The following ARHGAP20 variants were observed in gnomAD, a reference collection of about 807,000 sequenced individuals.
ARHGAP20 encodes the protein rho GTPase-activating protein 20.
Under a neutral mutation model 73.7 loss-of-function variants are expected in ARHGAP20, and 34 were observed. The ratio of observed to expected loss-of-function variants is 0.46; its 90% CI spans 0.35 to 0.61. The LOEUF (loss-of-function observed/expected upper bound fraction) is 0.61. Ranked by LOEUF, ARHGAP20 falls within the 20% of genes least tolerant of loss-of-function variation. ARHGAP20 has a pLI of 0.00. For missense variants in ARHGAP20, 1,314 were observed against 1,420.9 expected (o/e 0.92, Z 1.21); for synonymous variants, 523 against 518.2 (o/e 1.01, Z -0.13).
chr11:110,601,882 C>T (rs1025836508), intron 9 of ARHGAP20, among the ~76,000 whole-genome samples: 29 of 151,236 alleles, frequency 1.9e-4, no homozygotes, highest in African/African-American at 4.9e-4. Context: ...CCCAGCTATT[C>T]GGGAGGCTGA....
At chr11:110,654,598 T>C (rs1287105444) in intron 2 of ARHGAP20, among the ~76,000 whole-genome samples, 1 of 152,212 alleles carries the variant, frequency 6.6e-6, no homozygotes, top group Non-Finnish European at 1.5e-5. Context: ...TTTAAGTCAT[T>C]TTTCACATAG....
intron 2 of ARHGAP20, among the ~76,000 whole-genome samples, chr11:110,689,189 G>C (rs2135113928): frequency 6.6e-6 from 1 of 152,018 alleles, no homozygotes; most frequent in South Asian, 2.1e-4. Context: ...TTTAAGTAGA[G>C]ATGGGGTTTC....
chr11:110,590,070 G>A lies in ARHGAP20; in HGVS notation c.1305+578C>T, dbSNP rs1021411122. ...CAGGAGGTGGAGGTTGCAGTGAGCC[G>A]CAATCATGCCATTGCACTCCAGCCT... On this transcript the variant is annotated intron_variant, in intron 11 of 14. Coordinates refer to ENST00000683387, the MANE Select transcript of ARHGAP20 (RefSeq NM_001384657.1). Among the ~76,000 whole-genome samples the A allele has an allele frequency of 6.8e-5, 10 of 146,732 alleles. No homozygotes were observed. The South Asian group carries it at 1.1e-3, about 16-fold the overall frequency.
At chr11:110,653,196 T>C (rs1591142323) in intron 2 of ARHGAP20, among the ~76,000 whole-genome samples, 1 of 151,986 alleles carries the variant, frequency 6.6e-6, no homozygotes, top group African/African-American at 2.4e-5. Context: ...CAAAAGCAAT[T>C]GCAACAAAAG....
At chr11:110,635,285 T>A (rs938223102) in intron 2 of ARHGAP20, among the ~76,000 whole-genome samples, 2 of 152,092 alleles carry the variant, frequency 1.3e-5, no homozygotes, top group East Asian at 3.9e-4. Context: ...GGGAACATGT[T>A]TTAAAAATGC....
intron 3 of ARHGAP20, among the ~76,000 whole-genome samples, chr11:110,625,223 G>T (rs1377878455): frequency 1.3e-5 from 2 of 150,122 alleles, no homozygotes; most frequent in Admixed American, 1.3e-4. Context: ...ATTTTTAGTA[G>T]AGACGGGGTT....
intron 1 of ARHGAP20, among the ~76,000 whole-genome samples, chr11:110,708,025 T>G (rs945492504): frequency 1.3e-5 from 2 of 151,686 alleles, no homozygotes; most frequent in African/African-American, 4.8e-5. Context: ...TTCCGTTCTT[T>G]TGAAAGATAC....
At chr11:110,682,124 T>G (rs1463013493) in intron 2 of ARHGAP20, among the ~76,000 whole-genome samples, 2 of 152,162 alleles carry the variant, frequency 1.3e-5, no homozygotes, top group Non-Finnish European at 2.9e-5. Context: ...CTAAAATAAA[T>G]TTAACATTAG....
At chr11:110,712,071 G>A (rs1044466394) in intron 1 of ARHGAP20, 56 bp downstream of exon 1, 14 of 1,252,022 alleles carry the variant, frequency 1.1e-5, no homozygotes, top group African/African-American at 6.2e-5. Flanking sequence ...GAGGGCGCGC[G>A]CCGGCAGTGG....
intron 1 of ARHGAP20, among the ~76,000 whole-genome samples, chr11:110,708,626 C>CA (rs776088288): frequency 2.6e-4 from 39 of 151,430 alleles, no homozygotes; most frequent in Non-Finnish European, 2.9e-5. Context: ...ACAAGCCAGA[C>CA]AAAAAAAGAA....
intron 14 of ARHGAP20, among the ~76,000 whole-genome samples, chr11:110,581,781 T>A (rs1202479452): frequency 6.6e-6 from 1 of 152,180 alleles, no homozygotes. Flanking sequence ...ATCTAGTAAT[T>A]GATGGCACAA....
chr11:110,584,304 T>C (rs560308553), intron 12 of ARHGAP20, among the ~76,000 whole-genome samples: 26 of 152,282 alleles, frequency 1.7e-4, no homozygotes, highest in African/African-American at 5.5e-4. Flanking sequence ...CAGTTGCTTA[T>C]AGTAGATTTT....
At chr11:110,631,414 A>T (rs573143419) in intron 2 of ARHGAP20, among the ~76,000 whole-genome samples, 81 of 152,354 alleles carry the variant, frequency 5.3e-4, no homozygotes, top group African/African-American at 1.9e-3. Context: ...TCTCCACTGC[A>T]GGCTGAGACC....
chr11:110,650,755 A>T (rs568421198), intron 2 of ARHGAP20, among the ~76,000 whole-genome samples: 2 of 152,228 alleles, frequency 1.3e-5, no homozygotes, highest in Non-Finnish European at 2.9e-5. Context: ...AGTGAGAAAA[A>T]GTTAAAAGCT....
At chr11:110,678,689 T>C (rs1207256697) in intron 2 of ARHGAP20, among the ~76,000 whole-genome samples, 2 of 152,124 alleles carry the variant, frequency 1.3e-5, no homozygotes, top group Non-Finnish European at 1.5e-5. Flanking sequence ...TGAGACAGGG[T>C]CTCATTCTGT....
At chr11:110,702,376 G>A (rs1188349594) in intron 1 of ARHGAP20, among the ~76,000 whole-genome samples, 2 of 152,016 alleles carry the variant, frequency 1.3e-5, no homozygotes. Flanking sequence ...GGAATTGATG[G>A]GATGTATCTC....
Position 110,615,647 on chromosome 11 carries a change from C to T in ARHGAP20, c.504-53G>A, listed in dbSNP as rs1408819160. 24 of 1,498,974 alleles carry T rather than the reference C, an allele frequency of 1.6e-5. No homozygotes were observed. In the Middle Eastern group the frequency reaches 5.3e-4, roughly 33 times the overall value. The allele number at this position is 1,498,974 out of a possible 1,614,324, so 92.9% of individuals were successfully genotyped here. On this transcript the variant is annotated intron_variant, in intron 4 of 14. Coordinates refer to ENST00000683387, the MANE Select transcript of ARHGAP20 (RefSeq NM_001384657.1). ...AATTAAACCACATAAAATACAAATG[C>T]TAACAGATTTAGGATTGTCAATCCA...
intron 7 of ARHGAP20, among the ~76,000 whole-genome samples, chr11:110,610,777 GCTTGT>G (rs1393917316): frequency 6.6e-6 from 1 of 152,060 alleles, no homozygotes; most frequent in Non-Finnish European, 1.5e-5. Flanking sequence ...CTAATTCAAA[GCTTGT>G]CTTTTTATTT....
Position 110,642,204 on chromosome 11 carries a change from G to C in ARHGAP20, c.189-11412C>G, listed in dbSNP as rs541533324. Among the ~76,000 whole-genome samples the C allele has an allele frequency of 5.3e-5, 8 of 152,220 alleles. No individual in the cohort carries two copies. In the South Asian group the frequency reaches 1.0e-3, roughly 20 times the overall value. ...AAGAGCCTTTTGGCGAGTCTTTAGG[G>C]TTTTCTAGGTAGAGAATCATATCGT... On this transcript the variant is annotated intron_variant, in intron 2 of 14. Transcript: ENST00000683387.
Sources: gnomAD v4.1 joint callset for allele counts (sites outside exome capture counted in the v4.1 genomes callset) on GRCh38, gnomAD v4.1.1 for gene constraint, MANE v1.5 for transcripts, NCBI Gene and HGNC (gene_info 2026-07-23, HGNC 2026-07-21) for gene names.